Variants in FYN observed in about 807,000 individuals in gnomAD.
FYN encodes FYN proto-oncogene, Src family tyrosine kinase, also known as tyrosine-protein kinase Fyn.
FYN carries 10 observed loss-of-function variants against 70.2 expected under a neutral mutation model. That is an observed-to-expected ratio of 0.14 (90% CI 0.09 to 0.24). The LOEUF (loss-of-function observed/expected upper bound fraction) is 0.24. FYN is among the 10% of genes least tolerant of loss of function. The probability of loss-of-function intolerance (pLI) is 1.00; values close to 1 mark genes in which losing one functional copy is unlikely to be tolerated. For missense variants in FYN, 319 were observed against 673.1 expected (o/e 0.47, Z 5.82); for synonymous variants, 236 against 248.6 (o/e 0.95, Z 0.48).
chr6:111,835,521 G>C (rs1244533543), intron 2 of FYN, among the ~76,000 whole-genome samples: 1 of 152,350 alleles, frequency 6.6e-6, no homozygotes, highest in Non-Finnish European at 1.5e-5. Context: ...CCTGAACAAA[G>C]GGTCATGAGA....
intron 6 of FYN, among the ~76,000 whole-genome samples, chr6:111,706,513 G>A (rs753075710): frequency 5.3e-5 from 8 of 152,160 alleles, no homozygotes; most frequent in Non-Finnish European, 7.3e-5. Context: ...AGACTAGTAC[G>A]TCAATTATTT....
intron 3 of FYN, among the ~76,000 whole-genome samples, chr6:111,744,703 G>T (rs1341784838): frequency 6.6e-6 from 1 of 152,164 alleles, no homozygotes; most frequent in Admixed American, 6.5e-5. Context: ...TGGTGGGAAT[G>T]ATGATCCATC....
At chr6:111,709,589 T>C (rs950396638) in intron 5 of FYN, among the ~76,000 whole-genome samples, 1 of 152,236 alleles carries the variant, frequency 6.6e-6, no homozygotes, top group Admixed American at 6.5e-5. Flanking sequence ...TTTTACCCTA[T>C]TACAAATCCA....
At chr6:111,696,662 C>T (rs1799587377) in intron 9 of FYN, 2 of 455,094 alleles carry the variant, frequency 4.4e-6, no homozygotes, top group South Asian at 8.5e-5. Context: ...GCTAAGATGG[C>T]TATATTAAGA....
intron 3 of FYN, among the ~76,000 whole-genome samples, chr6:111,751,154 A>C (rs1391826364): frequency 6.6e-6 from 1 of 152,058 alleles, no homozygotes; most frequent in Non-Finnish European, 1.5e-5. Context: ...CTATTTTACT[A>C]TTTTGGGGGC....
chr6:111,673,126 A>G (rs1181056890), intron 13 of FYN, among the ~76,000 whole-genome samples: 1 of 152,200 alleles, frequency 6.6e-6, no homozygotes. Context: ...TAAATAAAGA[A>G]GAGATGCCTT....
At chr6:111,728,279 T>G (rs1801281997) in intron 3 of FYN, among the ~76,000 whole-genome samples, 1 of 152,192 alleles carries the variant, frequency 6.6e-6, no homozygotes, top group South Asian at 2.1e-4. Context: ...CTCCACCCCC[T>G]GCCCGCAAGC....
intron 3 of FYN, among the ~76,000 whole-genome samples, chr6:111,728,030 G>A (rs1801269173): frequency 6.6e-6 from 1 of 152,200 alleles, no homozygotes; most frequent in African/African-American, 2.4e-5. Context: ...TAAGACTGCA[G>A]TCAACTGAAT....
At chr6:111,753,225 T>C (rs953568532) in intron 3 of FYN, among the ~76,000 whole-genome samples, 9 of 152,206 alleles carry the variant, frequency 5.9e-5, no homozygotes, top group Non-Finnish European at 1.2e-4. Context: ...GGAATAGTCA[T>C]GCCACTTTCT....
chr6:111,867,095 A>C (rs1268601356), intron 1 of FYN, among the ~76,000 whole-genome samples: 1 of 150,892 alleles, frequency 6.6e-6, no homozygotes, highest in Non-Finnish European at 1.5e-5. Context: ...TGCTCTTTCT[A>C]CTCCACACAT....
intron 2 of FYN, among the ~76,000 whole-genome samples, 169 bp from the exon 3 acceptor site, chr6:111,780,804 C>A (rs10456876): frequency 6.6e-6 from 1 of 151,988 alleles, no homozygotes; most frequent in Admixed American, 6.6e-5. Context: ...GAAGATGAAA[C>A]CAATTTACAA....
At chr6:111,691,468 C>T (rs1325856567) in intron 12 of FYN, among the ~76,000 whole-genome samples, 2 of 151,962 alleles carry the variant, frequency 1.3e-5, no homozygotes, top group East Asian at 1.9e-4. Flanking sequence ...ACATAAAACC[C>T]GACTTGCAAA....
intron 2 of FYN, among the ~76,000 whole-genome samples, chr6:111,812,096 A>G (rs1462235540): frequency 6.6e-6 from 1 of 152,236 alleles, no homozygotes; most frequent in African/African-American, 2.4e-5. Flanking sequence ...AGCCTTGTAA[A>G]GAGCCTTGTA....
At chr6:111,726,041 T>A (rs1442369757) in intron 3 of FYN, among the ~76,000 whole-genome samples, 5 of 152,186 alleles carry the variant, frequency 3.3e-5, no homozygotes, top group Non-Finnish European at 7.3e-5. Flanking sequence ...AGGGGCTATG[T>A]GGCCAGACAC....
chr6:111,729,389 G>A (rs568719125), intron 3 of FYN, among the ~76,000 whole-genome samples: 1 of 151,422 alleles, frequency 6.6e-6, no homozygotes, highest in South Asian at 2.1e-4. Flanking sequence ...CATGAGAATC[G>A]CTTGAACCAG....
intron 13 of FYN, among the ~76,000 whole-genome samples, chr6:111,673,622 G>GTTTTTT (rs71021858): frequency 1.6e-3 from 183 of 116,422 alleles, no homozygotes; most frequent in Middle Eastern, 5.2e-3. Flanking sequence ...TTCTATCATT[G>GTTTTTT]TTTTTTTTTT....
intron 3 of FYN, among the ~76,000 whole-genome samples, chr6:111,773,636 GGAGGGGGAGGGA>G (rs1803589036): frequency 1.1e-5 from 1 of 89,402 alleles, no homozygotes; most frequent in South Asian, 5.2e-4. Context: ...AAGGAGAGGG[GGAGGGGGAGGGA>G]GAGGGGAAGA....
At position 111,704,057 on chromosome 6, in the gene FYN, T is replaced by C. The variant is rs56032754; in HGVS notation, c.489A>G (p.Leu163=). 4.0e-5 allele frequency: 65 copies of C among 1,614,090 alleles called. No individual in the cohort carries two copies. Among genetic ancestry groups the C allele is most frequent in the African/African-American group, 4.0e-4 (30 of 74,938 alleles). The change falls in exon 7 of 14, where the codon CTA becomes CTG. Residue 163 remains leucine (L), a synonymous_variant. Transcript: ENST00000354650. ...KLGRKDAERQ[L]LSFGNPRGTF... The stretch of plus-strand genomic sequence containing the variant: ...TACCTCTTGGGTTTCCAAAGGACAA[T>C]AGCTGTCGCTCAGCATCTTTTCGGC...
chr6:111,823,786 T>C (rs570174542), intron 2 of FYN, among the ~76,000 whole-genome samples: 2 of 152,162 alleles, frequency 1.3e-5, no homozygotes, highest in Non-Finnish European at 2.9e-5. Flanking sequence ...TAACTGGTCA[T>C]TTTGAAAAGG....
Sources: allele counts gnomAD v4.1 joint callset (sites outside exome capture counted in the v4.1 genomes callset), GRCh38; gene constraint gnomAD v4.1.1; transcripts MANE v1.5; gene names NCBI Gene and HGNC (gene_info 2026-07-23, HGNC 2026-07-21).